FNDC3B: variants seen among roughly 807,000 people sequenced by gnomAD.
The protein encoded by FNDC3B is fibronectin type III domain containing 3B.
In FNDC3B, 12 loss-of-function variants were observed where a neutral mutation model predicts 151.5. The observed-to-expected ratio is 0.08, with a 90% CI of 0.05 to 0.13. The LOEUF (loss-of-function observed/expected upper bound fraction) is 0.13, where lower values mean the gene tolerates loss of function less well. Ranked by LOEUF, FNDC3B falls within the 10% of genes least tolerant of loss-of-function variation. The pLI, the probability that FNDC3B is intolerant of heterozygous loss-of-function variation, is 1.00. For missense variants in FNDC3B, 1,214 were observed against 1,505.3 expected (o/e 0.81, Z 3.20); for synonymous variants, 528 against 549.0 (o/e 0.96, Z 0.54).
intron 1 of FNDC3B, among the ~76,000 whole-genome samples, chr3:172,069,803 A>C (rs1050437527): frequency 1.3e-5 from 2 of 152,290 alleles, no homozygotes; most frequent in Non-Finnish European, 1.5e-5. Flanking sequence ...GCCTAAAGCC[A>C]TTTTAGGGGG....
chr3:172,161,177 A>G (rs1722745232), intron 3 of FNDC3B, among the ~76,000 whole-genome samples: 1 of 152,216 alleles, frequency 6.6e-6, no homozygotes. Context: ...TTAATTTCAC[A>G]TCTGAATTTG....
rs530775573 is a variant in FNDC3B, at chr3:172,181,417, A to G, written c.188-45454A>G. On this transcript the variant is annotated intron_variant, in intron 3 of 25. Transcript: ENST00000415807. ...CTCCAAAAAAAAAAAAAAAAAAACA[A>G]AAAAAAACACCTTTAGAATTTACTG... 1.8e-4 allele frequency among the ~76,000 whole-genome samples: 27 copies of G among 146,498 alleles called. No individual in the cohort carries two copies. The East Asian group carries it at 5.2e-3, about 28-fold the overall frequency.
At chr3:172,086,313 TC>T (rs2099866028) in intron 1 of FNDC3B, among the ~76,000 whole-genome samples, 1 of 151,534 alleles carries the variant, frequency 6.6e-6, no homozygotes, top group African/African-American at 2.4e-5. Flanking sequence ...TGAGCCATGA[TC>T]CTGCCACTGC....
intron 14 of FNDC3B, 43 bp from the exon 15 acceptor site, chr3:172,334,901 C>G: frequency 1.3e-6 from 2 of 1,581,464 alleles, no homozygotes; most frequent in Non-Finnish European, 1.7e-6. Flanking sequence ...TTAATGATCC[C>G]TGATAACTAA....
intron 1 of FNDC3B, among the ~76,000 whole-genome samples, chr3:172,063,822 GAC>G (rs1717348353): frequency 6.6e-6 from 1 of 152,106 alleles, no homozygotes. Context: ...ATCAGGATGA[GAC>G]CCTGCTGTGG....
At chr3:172,138,538 G>C (rs1356362967) in intron 3 of FNDC3B, among the ~76,000 whole-genome samples, 1 of 151,936 alleles carries the variant, frequency 6.6e-6, no homozygotes, top group African/African-American at 2.4e-5. Context: ...AAATTCTAAA[G>C]AACTTTTACA....
At chr3:172,187,079 C>G (rs1724224858) in intron 3 of FNDC3B, 1 of 249,304 alleles carries the variant, frequency 4.0e-6, no homozygotes, top group Admixed American at 5.3e-5. Flanking sequence ...CTGCTTATTA[C>G]CTTGCCCTTG....
intron 6 of FNDC3B, among the ~76,000 whole-genome samples, chr3:172,252,755 T>C (rs906125369): frequency 2.0e-5 from 3 of 152,256 alleles, no homozygotes; most frequent in African/African-American, 7.2e-5. Flanking sequence ...GATCATGTGT[T>C]CTTTTAATTT....
At chr3:172,096,629 T>TA (rs976811704) in intron 1 of FNDC3B, among the ~76,000 whole-genome samples, 16 of 149,606 alleles carry the variant, frequency 1.1e-4, no homozygotes, top group African/African-American at 2.2e-4. Context: ...GTATCAAAAA[T>TA]AAAAAAATAG....
chr3:172,362,861 G>A lies in FNDC3B; in HGVS notation c.3008+16G>A, dbSNP rs774914604. The A allele has an allele frequency of 6.3e-7, 1 of 1,592,390 alleles. No homozygotes were observed. Among genetic ancestry groups the A allele is most frequent in the Admixed American group, 1.7e-5 (1 of 58,622 alleles). ...GAAACAAGAGGTGAGGTGGGGGTGA[G>A]GATGCTCCTGAAGCTTCTGTAGCTT... On this transcript the variant is annotated intron_variant, in intron 23 of 25. Transcript: ENST00000415807.
chr3:172,322,713 T>C (rs769425433), intron 11 of FNDC3B, among the ~76,000 whole-genome samples: 6 of 151,936 alleles, frequency 3.9e-5, no homozygotes, highest in South Asian at 4.1e-4. Context: ...CCTGATTCTT[T>C]TCTGAGTATT....
chr3:172,299,873 C>T (rs972697342), intron 9 of FNDC3B, among the ~76,000 whole-genome samples: 11 of 151,992 alleles, frequency 7.2e-5, no homozygotes, highest in African/African-American at 2.2e-4. Flanking sequence ...GAACGCTCTG[C>T]CATGATTTTC....
At chr3:172,118,169 C>T (rs1720356418) in intron 2 of FNDC3B, among the ~76,000 whole-genome samples, 1 of 152,192 alleles carries the variant, frequency 6.6e-6, no homozygotes, top group South Asian at 2.1e-4. Context: ...GTATGTTCAA[C>T]ATATTAAAGC....
intron 4 of FNDC3B, among the ~76,000 whole-genome samples, chr3:172,234,037 G>A (rs1383661247): frequency 2.4e-4 from 36 of 152,116 alleles, no homozygotes; most frequent in Non-Finnish European, 1.5e-5. Flanking sequence ...ATGTACCAAG[G>A]ACATCCCCTC....
At chr3:172,336,388 G>GCT (rs1274264836) in intron 15 of FNDC3B, among the ~76,000 whole-genome samples, 5 of 152,142 alleles carry the variant, frequency 3.3e-5, no homozygotes, top group African/African-American at 1.2e-4. Context: ...GGTGCCTAGG[G>GCT]CTCTAGTCAT....
At chr3:172,191,409 A>G (rs561566928) in intron 3 of FNDC3B, among the ~76,000 whole-genome samples, 1 of 152,182 alleles carries the variant, frequency 6.6e-6, no homozygotes, top group Non-Finnish European at 1.5e-5. Flanking sequence ...TGTCCTCCTC[A>G]TCATCATTCC....
chr3:172,064,630 A>G (rs189295669), intron 1 of FNDC3B, among the ~76,000 whole-genome samples: 4 of 152,250 alleles, frequency 2.6e-5, no homozygotes, highest in Non-Finnish European at 4.4e-5. Context: ...TTTCTTTGAA[A>G]TGTAGGAAGT....
intron 9 of FNDC3B, among the ~76,000 whole-genome samples, chr3:172,299,106 A>G (rs1441741033): frequency 1.3e-5 from 2 of 152,222 alleles, no homozygotes; most frequent in Non-Finnish European, 2.9e-5. Flanking sequence ...TTTTGTCACC[A>G]TGGGCATATC....
intron 3 of FNDC3B, among the ~76,000 whole-genome samples, chr3:172,144,536 C>G (rs1404775893): frequency 1.3e-5 from 2 of 152,168 alleles, no homozygotes; most frequent in African/African-American, 4.8e-5. Flanking sequence ...ATAGTCATGA[C>G]TTGTGACCAG....
Sources: gnomAD v4.1 joint callset for allele counts (sites outside exome capture counted in the v4.1 genomes callset) on GRCh38, gnomAD v4.1.1 for gene constraint, MANE v1.5 for transcripts, NCBI Gene and HGNC (gene_info 2026-07-23, HGNC 2026-07-21) for gene names.